SYNE1: variants seen among roughly 807,000 people sequenced by gnomAD.
SYNE1 encodes the protein spectrin repeat containing nuclear envelope protein 1, also known as nesprin-1.
Under a neutral mutation model 1,111.0 loss-of-function variants are expected in SYNE1, and 616 were observed. That is an observed-to-expected ratio of 0.55 (90% CI 0.52 to 0.59). The LOEUF is 0.59. Ranked by LOEUF, SYNE1 falls within the 20% of genes least tolerant of loss-of-function variation. SYNE1 has a pLI of 0.00. For synonymous variants in SYNE1, 3,855 were observed against 3,825.8 expected, an observed-to-expected ratio of 1.01 and a Z score of -0.28; for missense variants, 10,006 against 10,417.0, an observed-to-expected ratio of 0.96 and a Z score of 1.72.
In SYNE1 at chr6:152,436,011, G is replaced by T; in HGVS notation, c.4240C>A (p.Gln1414Lys). 1 of 1,614,122 alleles carries T rather than the reference G, an allele frequency of 6.2e-7. No individual in the cohort carries two copies. The highest frequency in any genetic ancestry group is 8.5e-7 in the Non-Finnish European group (1 of 1,180,004). ...SEIPLGPQNKQLLQQQAKSIK... is the reference protein window; with the variant it reads ...SEIPLGPQNKKLLQQQAKSIK... ...GACTTGGCCTGCTGTTGAAGCAGCT[G>T]CTTATTTTGGGGCCCAAGCGGTATC... Residue 1414 changes from glutamine (Q) to lysine (K), a missense_variant, in exon 33 of 146, where the codon CAG (glutamine) becomes AAG (lysine). Around this residue, in one of 7 missense-constraint regions of SYNE1, gnomAD observed 1,971 missense variants for 2,084.1 expected, o/e 0.95. Transcript: ENST00000367255.
intron 39 of SYNE1, among the ~76,000 whole-genome samples, chr6:152,423,720 C>T (rs1409433039): frequency 2.0e-5 from 3 of 152,310 alleles, no homozygotes; most frequent in Middle Eastern, 6.8e-3. Flanking sequence ...TACAAGAAAC[C>T]TCACATCATC....
intron 75 of SYNE1, among the ~76,000 whole-genome samples, chr6:152,337,219 A>T (rs1395292316): frequency 2.6e-5 from 4 of 152,212 alleles, no homozygotes; most frequent in Non-Finnish European, 5.9e-5. Flanking sequence ...AAAAAAATGT[A>T]GGGTTCCTAA....
intron 95 of SYNE1, among the ~76,000 whole-genome samples, chr6:152,291,689 T>C (rs546828226): frequency 6.6e-6 from 1 of 152,178 alleles, no homozygotes; most frequent in East Asian, 1.9e-4. Context: ...TCCTAACTAT[T>C]GTGGGAGCCA....
At chr6:152,534,024 C>T (rs951497277) in intron 4 of SYNE1, among the ~76,000 whole-genome samples, 9 of 151,614 alleles carry the variant, frequency 5.9e-5, no homozygotes, top group Admixed American at 5.9e-4. Flanking sequence ...CTGGGCATGG[C>T]GGTGGGCTCC....
At chr6:152,532,422 C>T (rs2099207956) in intron 4 of SYNE1, among the ~76,000 whole-genome samples, 1 of 152,142 alleles carries the variant, frequency 6.6e-6, no homozygotes, top group Non-Finnish European at 1.5e-5. Flanking sequence ...TTACTTTAAA[C>T]TACTAAACAC....
chr6:152,325,197 T>A lies in SYNE1; in HGVS notation c.15544A>T (p.Ser5182Cys), dbSNP rs2096025531. 1 of 1,614,072 alleles carries A rather than the reference T, an allele frequency of 6.2e-7. No individual in the cohort carries two copies. Among genetic ancestry groups the A allele is most frequent in the African/African-American group, 1.3e-5 (1 of 74,920 alleles). ...TGCCAGACGGTGGTCATTGACCTGC[T>A]CAGGGTGGCTTTGCTGGCATCATTT... is the stretch of plus-strand genomic sequence containing the variant. The part of the protein sequence containing the change: ...TGNDASKATL[S>C]RSMTTVWQRW... The change falls in exon 81 of 146, where the codon AGC (serine) becomes TGC (cysteine). Residue 5182 changes from serine to cysteine, a missense_variant. Transcript: ENST00000367255.
Position 152,387,317 on chromosome 6 carries a change from A to C in SYNE1, c.8242T>G (p.Trp2748Gly), listed in dbSNP as rs2097539148. Residue 2748 changes from tryptophan to glycine, a missense_variant, in exon 54 of 146, where the codon TGG becomes GGG. This residue lies in a region of SYNE1 where 4,955 missense variants were observed against 5,017.2 expected (regional missense o/e 0.99). Transcript: ENST00000367255. ...ATTTTTTGATCCACTGATTCCATCC[A>C]CTGCTCCAACTGGTTTTTCCTCTCT... ...YVERKNQLEQ[W>G]MESVDQKIEH... 6.2e-7 allele frequency: 1 copy of C among 1,614,220 alleles called. No individual in the cohort carries two copies.
intron 3 of SYNE1, among the ~76,000 whole-genome samples, chr6:152,620,432 A>C (rs1265231925): frequency 1.3e-5 from 2 of 152,196 alleles, no homozygotes; most frequent in Admixed American, 1.3e-4. Flanking sequence ...TGATCTCTAC[A>C]GTTACATACA....
chr6:152,425,285 T>G (rs1023986104), intron 39 of SYNE1, 96 bp downstream of exon 39: 3 of 1,362,132 alleles, frequency 2.2e-6, no homozygotes. Context: ...GTAGTTGAGT[T>G]AAATAAAAGT....
At position 152,444,605 on chromosome 6, in the gene SYNE1, C is replaced by T. The variant is rs375892715; in HGVS notation, c.3670-27G>A. On this transcript the variant is annotated intron_variant, in intron 29 of 145. Transcript: ENST00000367255. ...TATATTTTCATGAAAAAAAAAAACA[C>T]GTAAATCATATGCTACTTGTTGAAG... 34 of 1,561,268 alleles carry T rather than the reference C, an allele frequency of 2.2e-5. 1 individual carries two copies. Among genetic ancestry groups the T allele is most frequent in the South Asian group, 5.8e-5 (5 of 86,024 alleles).
intron 22 of SYNE1, among the ~76,000 whole-genome samples, chr6:152,457,675 G>A (rs2098704518): frequency 6.6e-6 from 1 of 152,004 alleles, no homozygotes; most frequent in East Asian, 1.9e-4. Flanking sequence ...TATGGATACT[G>A]GATGAAAATG....
intron 130 of SYNE1, among the ~76,000 whole-genome samples, chr6:152,173,424 G>C (rs1234632121): frequency 6.6e-6 from 1 of 152,196 alleles, no homozygotes; most frequent in Non-Finnish European, 1.5e-5. Flanking sequence ...AATGTCGAAA[G>C]GCATACACTG....
chr6:152,152,870 T>C (rs149066743), intron 133 of SYNE1, among the ~76,000 whole-genome samples: 173 of 152,312 alleles, frequency 1.1e-3, no homozygotes, highest in African/African-American at 4.0e-3. Flanking sequence ...TCAATTTACT[T>C]TTGAGGCTAT....
At chr6:152,361,460 T>C (rs765600803) in intron 64 of SYNE1, among the ~76,000 whole-genome samples, 1 of 152,132 alleles carries the variant, frequency 6.6e-6, no homozygotes, top group Non-Finnish European at 1.5e-5. Context: ...GATGGATCAG[T>C]AGGACCTAGT....
chr6:152,300,984 A>C (rs550444472), intron 92 of SYNE1, among the ~76,000 whole-genome samples: 5 of 152,370 alleles, frequency 3.3e-5, no homozygotes, highest in Non-Finnish European at 7.3e-5. Context: ...TTTGTAAAAC[A>C]ATCAGGGATG....
chr6:152,499,679 CA>C (rs2099018370), intron 10 of SYNE1, among the ~76,000 whole-genome samples: 1 of 151,988 alleles, frequency 6.6e-6, no homozygotes, highest in East Asian at 1.9e-4. Context: ...TATGTCATAA[CA>C]AAAAAATACA....
intron 53 of SYNE1, 128 bp downstream of exon 53, chr6:152,390,152 A>G (rs1039342311): frequency 2.1e-5 from 21 of 981,604 alleles, no homozygotes; most frequent in African/African-American, 3.3e-5. Flanking sequence ...ACTTAGACAA[A>G]GACAGGCATG....
intron 131 of SYNE1, 73 bp downstream of exon 131, chr6:152,164,090 C>A: frequency 6.3e-7 from 1 of 1,593,284 alleles, no homozygotes. Context: ...CCATCTCATG[C>A]CCACCCCATC....
chr6:152,286,667 T>C (rs560017645), intron 95 of SYNE1, among the ~76,000 whole-genome samples: 144 of 152,340 alleles, frequency 9.5e-4, no homozygotes, highest in African/African-American at 3.3e-3. Flanking sequence ...TTCTTATTGA[T>C]GTATGGAGTT....
Sources: gnomAD v4.1 joint callset for allele counts (sites outside exome capture counted in the v4.1 genomes callset) on GRCh38, gnomAD v4.1.1 for gene constraint, gnomAD v4.1.1 regional missense constraint, MANE v1.5 for transcripts, NCBI Gene and HGNC (gene_info 2026-07-23, HGNC 2026-07-21) for gene names.